Variants in PCGF5 observed in about 807,000 individuals in gnomAD.
The protein encoded by PCGF5 is polycomb group RING finger protein 5.
A neutral mutation model predicts 44.3 loss-of-function variants in PCGF5; 9 were observed. The ratio of observed to expected loss-of-function variants is 0.20; its 90% confidence interval spans 0.12 to 0.35. PCGF5 has a LOEUF of 0.35. Among genes scored for constraint, PCGF5 ranks in the 10% least tolerant of loss-of-function variants. PCGF5 has a pLI of 1.00. For missense variants in PCGF5, 146 were observed against 305.3 expected (o/e 0.48, Z 3.89); for synonymous variants, 95 against 102.5 (o/e 0.93, Z 0.44).
intron 6 of PCGF5, among the ~76,000 whole-genome samples, chr10:91,255,176 G>T (rs1250188115): frequency 6.6e-6 from 1 of 152,050 alleles, no homozygotes; most frequent in Non-Finnish European, 1.5e-5. Flanking sequence ...CTCTGTGGGT[G>T]GGGGAAAGGG....
chr10:91,194,231 T>C lies in PCGF5; in HGVS notation c.-183-28458T>C, dbSNP rs556581797. The stretch of plus-strand genomic sequence containing the variant: ...GGGAGCCAGAGGGACATTGCACATG[T>C]GATGGTTAAGATAACAACTTTGAGA... On this transcript the variant is annotated intron_variant, in intron 1 of 9. Transcript: ENST00000614189. Among the ~76,000 whole-genome samples, 6 of 152,340 alleles carry C rather than the reference T, an allele frequency of 3.9e-5. No homozygotes were observed. In the East Asian group the frequency reaches 9.6e-4, roughly 24 times the overall value.
intron 1 of PCGF5, among the ~76,000 whole-genome samples, chr10:91,186,792 G>T (rs143338803): frequency 6.6e-6 from 1 of 151,998 alleles, no homozygotes; most frequent in Non-Finnish European, 1.5e-5. Flanking sequence ...TTCTTTCCAC[G>T]TATAGGGAGC....
intron 5 of PCGF5, 120 bp downstream of exon 5, chr10:91,248,844 C>T: frequency 1.2e-6 from 1 of 801,624 alleles, no homozygotes; most frequent in Non-Finnish European, 2.0e-6. Context: ...TTCATGCACC[C>T]TTTTATTTAC....
chr10:91,218,571 A>G (rs1295887834), upstream of PCGF5, among the ~76,000 whole-genome samples: 2 of 152,130 alleles, frequency 1.3e-5, no homozygotes, highest in Non-Finnish European at 2.9e-5. Context: ...CTGCATACAC[A>G]TCACACAGGA....
chr10:91,283,870 G>C lies in PCGF5; in HGVS notation c.*5554G>C, dbSNP rs1239592916. 6.6e-6 allele frequency: 1 copy of C among 152,518 alleles called. No homozygotes were observed. Among genetic ancestry groups the C allele is most frequent in the Non-Finnish European group, 1.5e-5 (1 of 68,022 alleles). The allele number at this position is 152,518 out of a possible 1,614,324, so 9.4% of individuals were successfully genotyped here. On this transcript the variant is annotated 3_prime_UTR_variant, in exon 10 of 10. Coordinates refer to ENST00000336126, the MANE Select transcript of PCGF5 (RefSeq NM_032373.5). ...ATATTTTAAGCTTTTTGTCAAAAGT[G>C]GTAACATCTTAATACAAATAAAAAC...
At chr10:91,183,277 C>T (rs554656994) in intron 1 of PCGF5, among the ~76,000 whole-genome samples, 7 of 151,954 alleles carry the variant, frequency 4.6e-5, no homozygotes, top group African/African-American at 1.7e-4. Flanking sequence ...CTGGGTGTTC[C>T]TGTGTTGGGT....
intron 1 of PCGF5, among the ~76,000 whole-genome samples, chr10:91,178,399 T>C (rs886074516): frequency 3.3e-5 from 5 of 151,564 alleles, no homozygotes; most frequent in African/African-American, 9.7e-5. Flanking sequence ...TCTTTTCTTT[T>C]TTTTTTTTGA....
At chr10:91,213,590 G>A (rs1474188321) in intron 1 of PCGF5, among the ~76,000 whole-genome samples, 1 of 151,606 alleles carries the variant, frequency 6.6e-6, no homozygotes, top group Non-Finnish European at 1.5e-5. Context: ...TCAGCCTCCC[G>A]AGTAGCTGGG....
chr10:91,278,181 A>G, intron 9 of PCGF5, 88 bp from the exon 10 acceptor site: 1 of 1,122,522 alleles, frequency 8.9e-7, no homozygotes, highest in Non-Finnish European at 1.3e-6. Flanking sequence ...TGTAAATTAT[A>G]ACTCCGAATT....
chr10:91,167,697 G>C (rs539993268), intron 1 of PCGF5, among the ~76,000 whole-genome samples: 1 of 152,318 alleles, frequency 6.6e-6, no homozygotes, highest in African/African-American at 2.4e-5. Context: ...TAAGGAGACT[G>C]TTTAGTTGGC....
At chr10:91,222,437 T>C (rs970433955) in intron 1 of PCGF5, among the ~76,000 whole-genome samples, 7 of 152,214 alleles carry the variant, frequency 4.6e-5, no homozygotes, top group Non-Finnish European at 8.8e-5. Context: ...GGTAAAGATA[T>C]CAAACTGTAG....
At chr10:91,237,210 T>C (rs1477148288) in intron 2 of PCGF5, among the ~76,000 whole-genome samples, 1 of 152,212 alleles carries the variant, frequency 6.6e-6, no homozygotes, top group African/African-American at 2.4e-5. Context: ...TATATGTTGA[T>C]TAGGACATAC....
At chr10:91,235,881 T>G (rs932667336) in intron 2 of PCGF5, among the ~76,000 whole-genome samples, 5 of 152,154 alleles carry the variant, frequency 3.3e-5, no homozygotes, top group Non-Finnish European at 5.9e-5. Flanking sequence ...AACCTCTTTC[T>G]TTTGTGAATT....
intron 1 of PCGF5, among the ~76,000 whole-genome samples, chr10:91,212,230 G>A (rs914865137): frequency 9.9e-5 from 15 of 152,196 alleles, no homozygotes; most frequent in African/African-American, 3.6e-4. Context: ...GCTTTGTAGA[G>A]TTGCTTTTTG....
Position 91,278,286 on chromosome 10 carries a change from G to T in PCGF5, c.741G>T (p.Leu247=). The change falls in exon 10 of 10, where the codon CTG becomes CTT. Residue 247 remains leucine (L), a synonymous_variant. Coordinates refer to ENST00000336126, the MANE Select transcript of PCGF5 (RefSeq NM_032373.5). ...TTTTGTAGTCATACCCTATGGTACT[G>T]CAGTATCGACCAAGAATTGATTTCG... The part of the protein sequence containing the change: ...GPLYQSYPMV[L]QYRPRIDFG 1.2e-6 allele frequency: 2 copies of T among 1,610,920 alleles called. No individual in the cohort carries two copies. Among genetic ancestry groups the T allele is most frequent in the Non-Finnish European group, 1.7e-6 (2 of 1,177,158 alleles).
At chr10:91,267,811 G>A (rs144576272) in intron 8 of PCGF5, among the ~76,000 whole-genome samples, 1 of 152,262 alleles carries the variant, frequency 6.6e-6, no homozygotes, top group Non-Finnish European at 1.5e-5. Flanking sequence ...GATGTCTGAA[G>A]AGCTCTTATT....
intron 8 of PCGF5, among the ~76,000 whole-genome samples, chr10:91,271,174 G>A (rs757080584): frequency 2.2e-4 from 33 of 151,730 alleles, no homozygotes; most frequent in South Asian, 8.3e-4. Flanking sequence ...CTATAAAACA[G>A]AAAATAGATG....
At chr10:91,264,775 C>T (rs1846006734) in intron 8 of PCGF5, among the ~76,000 whole-genome samples, 1 of 151,916 alleles carries the variant, frequency 6.6e-6, no homozygotes, top group Non-Finnish European at 1.5e-5. Context: ...CTCTACTAAC[C>T]AAGACAGAGA....
intron 2 of PCGF5, chr10:91,227,478 A>G (rs1844876356): frequency 7.8e-7 from 1 of 1,281,264 alleles, no homozygotes; most frequent in African/African-American, 1.5e-5. Context: ...ACCCTCACTA[A>G]CAAAACTGGG....
Sources: gnomAD v4.1 joint callset for allele counts (sites outside exome capture counted in the v4.1 genomes callset) on GRCh38, gnomAD v4.1.1 for gene constraint, MANE v1.5 for transcripts, NCBI Gene and HGNC (gene_info 2026-07-23, HGNC 2026-07-21) for gene names.